Variants in RIT2 observed in about 807,000 individuals in gnomAD.
The protein encoded by RIT2 is GTP-binding protein Rit2.
RIT2 carries 24 observed loss-of-function variants against 23.7 expected under a neutral mutation model. The observed-to-expected ratio is 1.01, with a 90% CI of 0.73 to 1.43. The LOEUF (loss-of-function observed/expected upper bound fraction) is 1.43, where lower values mean the gene tolerates loss of function less well. RIT2 is among the 40% of genes most tolerant of loss of function. RIT2 has a pLI of 0.00. For missense variants in RIT2, 236 were observed against 266.9 expected, an observed-to-expected ratio of 0.88 and a Z score of 0.81; for synonymous variants, 107 against 91.1, an observed-to-expected ratio of 1.17 and a Z score of -0.99.
intron 4 of RIT2, among the ~76,000 whole-genome samples, chr18:42,814,751 G>A (rs901887607): frequency 6.6e-6 from 1 of 152,106 alleles, no homozygotes; most frequent in African/African-American, 2.4e-5. Context: ...CTCCTGGCAG[G>A]AGGCCAACCA....
At chr18:42,758,214 A>G (rs374552782) in intron 4 of RIT2, among the ~76,000 whole-genome samples, 2 of 152,132 alleles carry the variant, frequency 1.3e-5, no homozygotes, top group East Asian at 1.9e-4. Flanking sequence ...GATTAGAAAA[A>G]AAAAGACGTA....
intron 4 of RIT2, among the ~76,000 whole-genome samples, chr18:42,828,772 C>A (rs548943534): frequency 6.6e-6 from 1 of 152,118 alleles, no homozygotes; most frequent in African/African-American, 2.4e-5. Context: ...AGTAAACAGG[C>A]GACTGAAAAG....
intron 2 of RIT2, among the ~76,000 whole-genome samples, chr18:43,029,657 A>G (rs1281690040): frequency 1.3e-5 from 2 of 152,086 alleles, no homozygotes; most frequent in Non-Finnish European, 2.9e-5. Flanking sequence ...TCAATGAAAA[A>G]GGAATTCTTT....
At chr18:42,795,211 C>T (rs972393599) in intron 4 of RIT2, among the ~76,000 whole-genome samples, 6 of 152,196 alleles carry the variant, frequency 3.9e-5, no homozygotes, top group Non-Finnish European at 2.9e-5. Context: ...TGGCCAAGGC[C>T]GGAGCCCACT....
chr18:42,986,229 T>TGG (rs1910706301), intron 2 of RIT2, among the ~76,000 whole-genome samples: 1 of 151,886 alleles, frequency 6.6e-6, no homozygotes, highest in Non-Finnish European at 1.5e-5. Flanking sequence ...TTAGTAGAGA[T>TGG]GGGGTTTCAC....
chr18:42,980,757 G>T (rs1910581027), intron 2 of RIT2, among the ~76,000 whole-genome samples: 3 of 152,126 alleles, frequency 2.0e-5, no homozygotes, highest in Admixed American at 6.6e-5. Flanking sequence ...CTGGAGATTT[G>T]CAGGTACAGA....
intron 4 of RIT2, among the ~76,000 whole-genome samples, chr18:42,832,208 A>G (rs1906478654): frequency 6.6e-6 from 1 of 152,218 alleles, no homozygotes; most frequent in Non-Finnish European, 1.5e-5. Flanking sequence ...GTGTCACTAG[A>G]TTTGGCATTT....
intron 4 of RIT2, among the ~76,000 whole-genome samples, chr18:42,905,537 A>G (rs1007919949): frequency 3.9e-5 from 6 of 152,138 alleles, no homozygotes; most frequent in Non-Finnish European, 8.8e-5. Flanking sequence ...CAGTGGTGCA[A>G]TCTTGGCTCA....
At chr18:42,999,238 G>A (rs1342405359) in intron 2 of RIT2, among the ~76,000 whole-genome samples, 3 of 151,850 alleles carry the variant, frequency 2.0e-5, no homozygotes, top group African/African-American at 7.3e-5. Context: ...TAGGCACTAT[G>A]AGCAATAATA....
intron 3 of RIT2, among the ~76,000 whole-genome samples, chr18:42,952,135 A>G (rs1049876204): frequency 1.4e-4 from 22 of 152,140 alleles, no homozygotes; most frequent in Admixed American, 1.2e-3. Flanking sequence ...GGGAGCTTCA[A>G]TTCAAGATGA....
At position 43,055,763 on chromosome 18, in the gene RIT2, C is replaced by T. The variant is rs889109296; in HGVS notation, c.104-21896G>A. Among the ~76,000 whole-genome samples the T allele has an allele frequency of 1.4e-4, 21 of 152,018 alleles. 1 individual carries two copies. Among genetic ancestry groups the T allele is most frequent in the Admixed American group, 1.3e-3 (20 of 15,238 alleles). On this transcript the variant is annotated intron_variant, in intron 1 of 4. Transcript: ENST00000326695. ...ACTGGAAGACTGGTTATGAGGTTTT[C>T]GGACATGTTGTTGGTCTAGGAGAAA... is the stretch of plus-strand genomic sequence containing the variant.
chr18:43,024,558 CAGAT>C (rs1348885574), intron 2 of RIT2, among the ~76,000 whole-genome samples: 1 of 151,932 alleles, frequency 6.6e-6, no homozygotes, highest in Non-Finnish European at 1.5e-5. Context: ...CAAAAATAGA[CAGAT>C]AGAACTTAAT....
chr18:42,905,342 T>A (rs1908582785), intron 4 of RIT2, among the ~76,000 whole-genome samples: 1 of 152,222 alleles, frequency 6.6e-6, no homozygotes, highest in South Asian at 2.1e-4. Flanking sequence ...TCTATATGGA[T>A]GTACCTGTAT....
At chr18:43,001,064 T>A (rs192978868) in intron 2 of RIT2, among the ~76,000 whole-genome samples, 22 of 152,244 alleles carry the variant, frequency 1.4e-4, no homozygotes, top group Admixed American at 1.4e-3. Context: ...CTATTTCATT[T>A]CATTCATCTA....
At chr18:42,871,251 G>A (rs1907615132) in intron 4 of RIT2, among the ~76,000 whole-genome samples, 1 of 151,996 alleles carries the variant, frequency 6.6e-6, no homozygotes, top group African/African-American at 2.4e-5. Flanking sequence ...ATATTTCTTT[G>A]TCTGGTATGA....
chr18:43,019,571 G>C (rs1911550175), intron 2 of RIT2, among the ~76,000 whole-genome samples: 1 of 151,844 alleles, frequency 6.6e-6, no homozygotes, highest in African/African-American at 2.4e-5. Flanking sequence ...GAAACTAACA[G>C]CTAACATCAT....
intron 4 of RIT2, among the ~76,000 whole-genome samples, chr18:42,807,142 T>C (rs896661480): frequency 1.3e-5 from 2 of 152,186 alleles, no homozygotes; most frequent in African/African-American, 4.8e-5. Context: ...AATTTATAAA[T>C]TTGTTACCTT....
chr18:42,892,862 C>T (rs1314036221), intron 4 of RIT2, among the ~76,000 whole-genome samples: 1 of 152,078 alleles, frequency 6.6e-6, no homozygotes, highest in East Asian at 1.9e-4. Flanking sequence ...CTGGATGGTC[C>T]ATTTCCAAAG....
intron 2 of RIT2, among the ~76,000 whole-genome samples, chr18:42,993,730 T>C (rs944098783): frequency 1.3e-5 from 2 of 151,926 alleles, no homozygotes; most frequent in African/African-American, 4.8e-5. Context: ...GTTCAAAGCC[T>C]CCTTCACATC....
Sources: allele counts gnomAD v4.1 joint callset (sites outside exome capture counted in the v4.1 genomes callset), GRCh38; gene constraint gnomAD v4.1.1; transcripts MANE v1.5; gene names NCBI Gene and HGNC (gene_info 2026-07-23, HGNC 2026-07-21).